Variants in XKR6 observed in about 807,000 individuals in gnomAD.
XKR6 encodes the protein XK related 6.
A neutral mutation model predicts 56.7 loss-of-function variants in XKR6; 22 were observed. The observed-to-expected ratio is 0.39, with a 90% CI of 0.28 to 0.55. XKR6 has a LOEUF of 0.55. XKR6 is among the 20% of genes least tolerant of loss of function. The pLI is 0.66. For missense variants in XKR6, 852 were observed against 889.0 expected (o/e 0.96, Z 0.53); for synonymous variants, 524 against 387.8 (o/e 1.35, Z -4.13).
At position 11,201,435 on chromosome 8, in the gene XKR6, A is replaced by G. The variant is rs1422803685; in HGVS notation, c.-96T>C. Reference sequence around the variant, plus strand: ...CGGGGAGGGGGGGAAACGAATGGAGAGGAAGGGGGGCGGGGAGGAAGCGGG... The same window carrying G: ...CGGGGAGGGGGGGAAACGAATGGAGGGGAAGGGGGGCGGGGAGGAAGCGGG... On this transcript the variant is annotated 5_prime_UTR_variant, in exon 1 of 3. Transcript: ENST00000416569. 1.3e-4 allele frequency: 32 copies of G among 254,834 alleles called. No homozygotes were observed. The highest frequency in any genetic ancestry group is 2.1e-4 in the South Asian group (5 of 24,096). The allele number at this position is 254,834 out of a possible 1,614,324, so 15.8% of individuals were successfully genotyped here.
chr8:10,913,957 G>A (rs567059666), intron 2 of XKR6, among the ~76,000 whole-genome samples: 9 of 152,304 alleles, frequency 5.9e-5, no homozygotes, highest in African/African-American at 1.9e-4. Flanking sequence ...GGGCTTGGCA[G>A]CCTGGGGTGC....
chr8:11,200,842 G>A lies in XKR6; in HGVS notation c.498C>T (p.Leu166=). 5 of 1,612,074 alleles carry A rather than the reference G, an allele frequency of 3.1e-6. No homozygotes were observed. Among genetic ancestry groups the A allele is most frequent in the Non-Finnish European group, 4.2e-6 (5 of 1,179,536 alleles). Residue 166 remains leucine (L), a synonymous_variant, in exon 1 of 3, where the codon CTC becomes CTT. Transcript: ENST00000416569. This position sits in a 1 kb window ranked among gnomAD's most constrained non-coding sequence, Gnocchi z 6.4. ...GCAGCGACGGCACCAGCACGAAGAA[G>A]AGGGTCAGCCCGAAGTAGACGTAGT... The part of the protein sequence containing the change: ...KGDYVYFGLT[L]FFVLVPSLLV...
chr8:11,068,646 G>T (rs930815225), intron 1 of XKR6, among the ~76,000 whole-genome samples: 1 of 152,144 alleles, frequency 6.6e-6, no homozygotes, highest in East Asian at 1.9e-4. Flanking sequence ...CATGGGCAGC[G>T]TGGGTTTCTC....
intron 1 of XKR6, among the ~76,000 whole-genome samples, chr8:11,132,263 G>C (rs930742140): frequency 2.0e-5 from 3 of 152,030 alleles, no homozygotes; most frequent in African/African-American, 7.3e-5. Context: ...AGTCACAGGT[G>C]GTACTTACAG....
chr8:11,092,272 C>G (rs1279869054), intron 1 of XKR6, among the ~76,000 whole-genome samples: 1 of 152,180 alleles, frequency 6.6e-6, no homozygotes. Context: ...TCATTGTGCA[C>G]GCACACACAC....
intron 2 of XKR6, among the ~76,000 whole-genome samples, chr8:10,913,274 C>T (rs1169614876): frequency 6.6e-6 from 1 of 152,032 alleles, no homozygotes; most frequent in African/African-American, 2.4e-5. Context: ...AGAGATCCAT[C>T]TGCCTTTTTC....
chr8:10,938,867 T>C (rs1349468835), intron 1 of XKR6, among the ~76,000 whole-genome samples: 2 of 152,080 alleles, frequency 1.3e-5, no homozygotes, highest in Admixed American at 6.5e-5. Context: ...TTTACAAAAT[T>C]GTCCAAAAAA....
In XKR6 at chr8:10,898,524, C is replaced by T. The variant is rs868704439; in HGVS notation, c.1354G>A (p.Glu452Lys). Residue 452 changes from glutamate (E) to lysine (K), a missense_variant, in exon 3 of 3, where the codon GAG becomes AAG. Physicochemically the swap from Glu to Lys is moderately conservative, Grantham distance 56. Around this residue, in one of 4 missense-constraint regions of XKR6, gnomAD observed 197 missense variants for 190.9 expected, o/e 1.03. Transcript: ENST00000416569. The surrounding 1 kb of genome is among the most constrained non-coding windows in gnomAD (Gnocchi z 6.6). Reference sequence around the variant, plus strand: ...CAAAGGAACGTCAAGGCAGCATTCTCGGTCAAGACTATCGTATAATATGCA... The same window carrying T: ...CAAAGGAACGTCAAGGCAGCATTCTTGGTCAAGACTATCGTATAATATGCA... ...MFAYYTIVLT[E>K]NAALTFLWYF... 1.2e-6 allele frequency: 2 copies of T among 1,613,946 alleles called. No individual in the cohort carries two copies. The highest frequency in any genetic ancestry group is 1.7e-6 in the Non-Finnish European group (2 of 1,180,040).
intron 1 of XKR6, among the ~76,000 whole-genome samples, chr8:11,118,285 T>G (rs1799275826): frequency 6.6e-6 from 1 of 152,230 alleles, no homozygotes; most frequent in African/African-American, 2.4e-5. Flanking sequence ...TTGTTGTATC[T>G]CTGCCAGGCT....
chr8:11,181,300 A>T (rs531671853), intron 1 of XKR6, among the ~76,000 whole-genome samples: 1 of 152,336 alleles, frequency 6.6e-6, no homozygotes, highest in African/African-American at 2.4e-5. Flanking sequence ...TTTCTTAAAA[A>T]CTTATATAAG....
intron 2 of XKR6, among the ~76,000 whole-genome samples, chr8:10,910,479 T>C (rs1800319639): frequency 2.0e-5 from 3 of 152,086 alleles, no homozygotes; most frequent in Admixed American, 2.0e-4. Context: ...AACCTATAGT[T>C]CCTAAAGAAA....
At chr8:10,919,556 C>T (rs1800655156) in intron 2 of XKR6, among the ~76,000 whole-genome samples, 1 of 152,180 alleles carries the variant, frequency 6.6e-6, no homozygotes, top group South Asian at 2.1e-4. Context: ...CCAGGTGATG[C>T]ACTGTGGAGG....
intron 2 of XKR6, among the ~76,000 whole-genome samples, chr8:10,899,907 A>T (rs898300730): frequency 6.6e-6 from 1 of 152,116 alleles, no homozygotes; most frequent in Non-Finnish European, 1.5e-5. Context: ...AACACAATCC[A>T]TTGTTACTGA....
At chr8:11,103,829 T>A (rs1237916901) in intron 1 of XKR6, among the ~76,000 whole-genome samples, 1 of 152,216 alleles carries the variant, frequency 6.6e-6, no homozygotes, top group Non-Finnish European at 1.5e-5. Flanking sequence ...TCAATAAGTA[T>A]TGATTTAGCA....
At chr8:11,193,372 G>A (rs964586879) in intron 1 of XKR6, among the ~76,000 whole-genome samples, 7 of 152,062 alleles carry the variant, frequency 4.6e-5, no homozygotes, top group Non-Finnish European at 1.0e-4. Context: ...ATACCATAGG[G>A]TGCTGTAGTA....
Position 11,034,538 on chromosome 8 carries a change from G to A in XKR6, c.765-109708C>T, listed in dbSNP as rs193060373. Among the ~76,000 whole-genome samples the A allele has an allele frequency of 2.1e-3, 326 of 152,284 alleles. 1 individual carries two copies. The highest frequency in any genetic ancestry group is 5.4e-3 in the African/African-American group (224 of 41,558). On this transcript the variant is annotated intron_variant, in intron 1 of 2. Coordinates refer to ENST00000416569, the MANE Select transcript of XKR6 (RefSeq NM_173683.4). ...CAGGTAAGATTGGCTTTTACTCTAT[G>A]GGCAACAGAGAGCCATGGCAGGCTT...
At chr8:11,035,111 T>C (rs1384843764) in intron 1 of XKR6, 2 of 474,712 alleles carry the variant, frequency 4.2e-6, no homozygotes, top group Non-Finnish European at 8.8e-6. Context: ...TGATGATACT[T>C]ACCTTAAAGG....
intron 1 of XKR6, among the ~76,000 whole-genome samples, chr8:10,928,917 G>A (rs1422684537): frequency 2.0e-5 from 3 of 152,212 alleles, no homozygotes; most frequent in Non-Finnish European, 4.4e-5. Context: ...CGCCATATCT[G>A]CCCTAAGAGC....
intron 1 of XKR6, among the ~76,000 whole-genome samples, chr8:11,003,533 A>G (rs1168496995): frequency 6.6e-6 from 1 of 152,158 alleles, no homozygotes; most frequent in Non-Finnish European, 1.5e-5. Context: ...GACTGATACT[A>G]ATACTATTAT....
Sources: gnomAD v4.1 joint callset for allele counts (sites outside exome capture counted in the v4.1 genomes callset) on GRCh38, gnomAD v4.1.1 for gene constraint, gnomAD v4.1.1 regional missense constraint, Gnocchi (gnomAD v3.1) non-coding constraint, MANE v1.5 for transcripts, NCBI Gene and HGNC (gene_info 2026-07-23, HGNC 2026-07-21) for gene names.